OPCML: variants seen among roughly 807,000 people sequenced by gnomAD.
OPCML encodes the protein opioid binding protein/cell adhesion molecule like.
Under a neutral mutation model 37.8 loss-of-function variants are expected in OPCML, and 13 were observed. That is an observed-to-expected ratio of 0.34 (90% CI 0.22 to 0.55). OPCML has a LOEUF of 0.55. Ranked by LOEUF, OPCML falls within the 20% of genes least tolerant of loss-of-function variation. The pLI, the probability that OPCML is intolerant of heterozygous loss-of-function variation, is 0.91. For synonymous variants in OPCML, 176 were observed against 168.8 expected (o/e 1.04, Z -0.33); for missense variants, 341 against 435.6 (o/e 0.78, Z 1.93).
chr11:133,105,978 T>G (rs1315277218), intron 1 of OPCML, among the ~76,000 whole-genome samples: 2 of 116,322 alleles, frequency 1.7e-5, no homozygotes, highest in African/African-American at 3.5e-5. Flanking sequence ...CAAGACTCCA[T>G]CTTAAAAATA....
chr11:133,358,678 T>C (rs1944346049), intron 1 of OPCML, among the ~76,000 whole-genome samples: 1 of 152,128 alleles, frequency 6.6e-6, no homozygotes, highest in Admixed American at 6.5e-5. Flanking sequence ...AATTGGGCAG[T>C]GCTAGGGCTC....
chr11:133,404,428 C>T (rs1945480622), intron 1 of OPCML, among the ~76,000 whole-genome samples: 1 of 152,224 alleles, frequency 6.6e-6, no homozygotes, highest in Admixed American at 6.5e-5. Context: ...GTGCCCTTTA[C>T]ATAACACCGT....
intron 1 of OPCML, among the ~76,000 whole-genome samples, chr11:132,950,627 C>T (rs541939949): frequency 2.0e-5 from 3 of 152,216 alleles, no homozygotes; most frequent in Admixed American, 6.5e-5. Context: ...GCTTGCTTTC[C>T]TAATTATCAT....
At position 132,468,190 on chromosome 11, in the gene OPCML, A is replaced by C. The variant is rs1406170444; in HGVS notation, c.506-30831T>G. Among the ~76,000 whole-genome samples, 4 of 152,168 alleles carry C rather than the reference A, an allele frequency of 2.6e-5. No individual in the cohort carries two copies. In the South Asian group the frequency reaches 8.3e-4, roughly 32 times the overall value. On this transcript the variant is annotated intron_variant, in intron 4 of 7. Transcript: ENST00000524381. Reference sequence around the variant, plus strand: ...CACTCTCCTCTGGCTCTTTTTCTTCAACCTATGTGAATGGCCAGTGCTTTC... The same window carrying C: ...CACTCTCCTCTGGCTCTTTTTCTTCCACCTATGTGAATGGCCAGTGCTTTC...
In OPCML at chr11:132,427,816, C is replaced by T. The variant is rs144712350; in HGVS notation, c.917-7523G>A. Among the ~76,000 whole-genome samples the T allele has an allele frequency of 3.0e-4, 45 of 152,176 alleles. No homozygotes were observed. In the South Asian group the frequency reaches 5.4e-3, roughly 18 times the overall value. ...TGTCAATGATTCAGAGCGAGGAGGG[C>T]GGGGTACGAGCAAACCACAAGGAAC... On this transcript the variant is annotated intron_variant, in intron 7 of 7. Transcript: ENST00000524381.
At position 132,416,533 on chromosome 11, in the gene OPCML, A is replaced by C. The variant is rs2095939213; in HGVS notation, c.*3660T>G. ...GAAGGCAAATTGACTGAATTGATGC[A>C]GAAAAAGATTCTGAAACCCAGCCTC... is the stretch of plus-strand genomic sequence containing the variant. On this transcript the variant is annotated 3_prime_UTR_variant, in exon 8 of 8. Transcript: ENST00000524381. 6.6e-6 allele frequency: 1 copy of C among 152,226 alleles called. No homozygotes were observed. Among genetic ancestry groups the C allele is most frequent in the Non-Finnish European group, 1.5e-5 (1 of 68,046 alleles). 9.4% of individuals were successfully genotyped at this position (152,226 alleles called of 1,614,324 possible). A position where few individuals can be genotyped will look rare whatever the true frequency, so the allele number is the denominator to read the frequency against.
intron 2 of OPCML, among the ~76,000 whole-genome samples, chr11:132,701,800 G>T (rs1339032945): frequency 2.2e-5 from 3 of 136,134 alleles, no homozygotes; most frequent in African/African-American, 8.3e-5. Flanking sequence ...GTGTGTGGTG[G>T]TGGTGGGCGT....
At chr11:132,548,713 G>T (rs143494825) in intron 3 of OPCML, among the ~76,000 whole-genome samples, 3 of 152,108 alleles carry the variant, frequency 2.0e-5, no homozygotes, top group African/African-American at 7.2e-5. Context: ...CTACTTGAAG[G>T]CTGGACCCAA....
At chr11:132,490,025 C>CT (rs1331585179) in intron 4 of OPCML, among the ~76,000 whole-genome samples, 1 of 152,026 alleles carries the variant, frequency 6.6e-6, no homozygotes, top group Non-Finnish European at 1.5e-5. Flanking sequence ...TGAACTCATC[C>CT]TTTTTTACAG....
At chr11:133,253,070 C>T (rs1412599876) in intron 1 of OPCML, among the ~76,000 whole-genome samples, 5 of 148,434 alleles carry the variant, frequency 3.4e-5, no homozygotes, top group East Asian at 2.1e-4. Flanking sequence ...CACTTGAAAC[C>T]GGGAGGAAGA....
chr11:133,312,927 A>G (rs958709433), intron 1 of OPCML, among the ~76,000 whole-genome samples: 2 of 152,228 alleles, frequency 1.3e-5, no homozygotes, highest in South Asian at 2.1e-4. Context: ...AAATGCTTTC[A>G]TAATGTCCTA....
intron 2 of OPCML, among the ~76,000 whole-genome samples, chr11:132,714,315 A>T (rs561211691): frequency 6.6e-6 from 1 of 152,264 alleles, no homozygotes; most frequent in South Asian, 2.1e-4. Context: ...AGTATTGGAC[A>T]TACTGTAATG....
At chr11:132,891,785 T>C (rs545855771) in intron 2 of OPCML, among the ~76,000 whole-genome samples, 7 of 152,390 alleles carry the variant, frequency 4.6e-5, no homozygotes, top group African/African-American at 9.6e-5. Context: ...CTTTACCTTA[T>C]ATTAGCTGGG....
intron 1 of OPCML, among the ~76,000 whole-genome samples, chr11:133,322,064 T>C (rs1441052617): frequency 6.6e-6 from 1 of 152,176 alleles, no homozygotes; most frequent in African/African-American, 2.4e-5. Context: ...TTCATTCAAA[T>C]GAAAGGCAGC....
At chr11:132,512,173 T>C (rs2096270199) in intron 4 of OPCML, among the ~76,000 whole-genome samples, 1 of 152,076 alleles carries the variant, frequency 6.6e-6, no homozygotes, top group Admixed American at 6.6e-5. Flanking sequence ...TGTTTTAGCC[T>C]ACACAGTTAT....
chr11:132,503,119 G>A (rs573493650), intron 4 of OPCML, among the ~76,000 whole-genome samples: 1 of 152,234 alleles, frequency 6.6e-6, no homozygotes, highest in African/African-American at 2.4e-5. Context: ...ACTACGCTTG[G>A]GATATAGGCA....
intron 1 of OPCML, among the ~76,000 whole-genome samples, chr11:133,085,698 A>C (rs1948808063): frequency 6.6e-6 from 1 of 152,248 alleles, no homozygotes; most frequent in South Asian, 2.1e-4. Flanking sequence ...TTACAGACCA[A>C]AAGAAGGTAA....
At chr11:132,657,369 A>T (rs773629866) in intron 2 of OPCML, 50 bp from the exon 3 acceptor site, 27 of 1,596,786 alleles carry the variant, frequency 1.7e-5, no homozygotes, top group Non-Finnish European at 2.3e-5. Flanking sequence ...AAAGAGAGAG[A>T]GTGGAGAGAT....
intron 1 of OPCML, among the ~76,000 whole-genome samples, chr11:132,963,434 T>C (rs1946137453): frequency 6.6e-6 from 1 of 151,606 alleles, no homozygotes; most frequent in South Asian, 2.1e-4. Flanking sequence ...GACTAAAAAA[T>C]ACAAAAAATT....
Sources: allele counts gnomAD v4.1 joint callset (sites outside exome capture counted in the v4.1 genomes callset), GRCh38; gene constraint gnomAD v4.1.1; transcripts MANE v1.5; gene names NCBI Gene and HGNC (gene_info 2026-07-23, HGNC 2026-07-21).